Variants in CALHM4 observed in about 807,000 individuals in gnomAD.
CALHM4 encodes the protein calcium homeostasis modulator protein 4.
A neutral mutation model predicts 13.3 loss-of-function variants in CALHM4; 16 were observed. The observed-to-expected ratio is 1.20, with a 90% CI of 0.81 to 1.82. The LOEUF is 1.82. Ranked by LOEUF, CALHM4 falls within the 40% of genes most tolerant of loss-of-function variation. The pLI, the probability that CALHM4 is intolerant of heterozygous loss-of-function variation, is 0.00. For missense variants in CALHM4, 344 were observed against 374.9 expected, an observed-to-expected ratio of 0.92 and a Z score of 0.68; for synonymous variants, 127 against 137.1, an observed-to-expected ratio of 0.93 and a Z score of 0.52.
At chr6:116,553,006 G>A (rs1045035825), upstream of CALHM4, among the ~76,000 whole-genome samples, 64 of 152,246 alleles carry the variant, frequency 4.2e-4, no homozygotes, top group Admixed American at 1.3e-4. Context: ...CCCGGGAGGC[G>A]GAGCTTGCAG....
intron 1 of CALHM4, among the ~76,000 whole-genome samples, chr6:116,539,011 G>A (rs1773271084): frequency 6.6e-6 from 1 of 151,998 alleles, no homozygotes; most frequent in Non-Finnish European, 1.5e-5. Context: ...GATGAATTTT[G>A]GCAAAGATCA....
chr6:116,554,164 T>C lies in CALHM4; in HGVS notation c.371T>C (p.Leu124Pro). Residue 124 changes from leucine (L) to proline (P), a missense_variant, in exon 1 of 2, where the codon CTG becomes CCG. Physicochemically the swap from Leu to Pro is moderately conservative, Grantham distance 98. Transcript: ENST00000368596. ...TTAACTTGGCTGGCGGTGACCCTGC[T>C]GACAGGCACGTATTATGAATGTGCA... ...APLTWLAVTL[L>P]TGTYYECAAS... 6.4e-7 allele frequency: 1 copy of C among 1,550,598 alleles called. No individual in the cohort carries two copies. Among genetic ancestry groups the C allele is most frequent in the Non-Finnish European group, 8.7e-7 (1 of 1,146,986 alleles).
intron 2 of CALHM4, among the ~76,000 whole-genome samples, chr6:116,546,892 T>G (rs1773813137): frequency 6.6e-6 from 1 of 152,176 alleles, no homozygotes; most frequent in Non-Finnish European, 1.5e-5. Context: ...GGAGAGTTTT[T>G]CAGTAGCAAA....
Position 116,560,860 on chromosome 6 carries a change from G to A in CALHM4, c.*2649G>A, listed in dbSNP as rs1292548766. Among the ~76,000 whole-genome samples, 2 of 152,122 alleles carry A rather than the reference G, an allele frequency of 1.3e-5. No homozygotes were observed. The highest frequency in any genetic ancestry group is 2.9e-5 in the Non-Finnish European group (2 of 68,024). On this transcript the variant is annotated 3_prime_UTR_variant, in exon 2 of 2. Coordinates refer to ENST00000368596, the MANE Select transcript of CALHM4 (RefSeq NM_001366078.2). ...GCTACCACATCAAACCCTGGAGCTT[G>A]ACATATATAAACCTGCTCCTTTCTT...
At chr6:116,550,960 T>C (rs914481641), upstream of CALHM4, among the ~76,000 whole-genome samples, 1 of 152,196 alleles carries the variant, frequency 6.6e-6, no homozygotes, top group South Asian at 2.1e-4. Context: ...AGCCAATGTT[T>C]ACCCTCCCCT....
intron 1 of CALHM4, among the ~76,000 whole-genome samples, chr6:116,542,258 T>C (rs1369784324): frequency 6.6e-6 from 1 of 152,126 alleles, no homozygotes; most frequent in Non-Finnish European, 1.5e-5. Flanking sequence ...TGGGCAGTTC[T>C]CTTCTTTGCG....
chr6:116,557,036 C>T lies in CALHM4; in HGVS notation c.559-789C>T, dbSNP rs982514690. ...CAGCGCAACTTCTGCCTTCTGGGTTCAAGAAGTTCTCGTGCCTCAGCCTCC... is the reference window on the plus strand; with the variant it reads ...CAGCGCAACTTCTGCCTTCTGGGTTTAAGAAGTTCTCGTGCCTCAGCCTCC... On this transcript the variant is annotated intron_variant, in intron 1 of 1. Coordinates refer to ENST00000368596, the MANE Select transcript of CALHM4 (RefSeq NM_001366078.2). Among the ~76,000 whole-genome samples, 3 of 142,516 alleles carry T rather than the reference C, an allele frequency of 2.1e-5. No homozygotes were observed. In the South Asian group the frequency reaches 6.7e-4, roughly 32 times the overall value. 93.5% of individuals were successfully genotyped at this position (142,516 alleles called of 152,430 possible).
intron 1 of CALHM4, among the ~76,000 whole-genome samples, chr6:116,555,445 T>A (rs1215165225): frequency 6.6e-6 from 1 of 152,186 alleles, no homozygotes; most frequent in Non-Finnish European, 1.5e-5. Flanking sequence ...GAAAAGACAG[T>A]TTTACAGTTC....
In CALHM4 at chr6:116,554,142, A is replaced by G; in HGVS notation, c.349A>G (p.Thr117Ala). 6.4e-7 allele frequency: 1 copy of G among 1,550,550 alleles called. No individual in the cohort carries two copies. The highest frequency in any genetic ancestry group is 8.7e-7 in the Non-Finnish European group (1 of 1,146,978). ...TGGGAGGGCAGTTATTGCTCCTTTAACTTGGCTGGCGGTGACCCTGCTGAC... is the reference window on the plus strand; with the variant it reads ...TGGGAGGGCAGTTATTGCTCCTTTAGCTTGGCTGGCGGTGACCCTGCTGAC... ...ITGRAVIAPLTWLAVTLLTGT... is the reference protein window; with the variant it reads ...ITGRAVIAPLAWLAVTLLTGT... Residue 117 changes from threonine (T) to alanine (A), a missense_variant, in exon 1 of 2, where the codon ACT becomes GCT. Transcript: ENST00000368596.
intron 1 of CALHM4, among the ~76,000 whole-genome samples, 191 bp from the exon 2 acceptor site, chr6:116,557,634 C>T (rs1176020021): frequency 6.6e-6 from 1 of 152,166 alleles, no homozygotes; most frequent in Non-Finnish European, 1.5e-5. Context: ...AATGGCTGGG[C>T]CTATGCCCTC....
At chr6:116,557,393 G>T (rs1774372179) in intron 1 of CALHM4, among the ~76,000 whole-genome samples, 1 of 152,124 alleles carries the variant, frequency 6.6e-6, no homozygotes, top group Admixed American at 6.5e-5. Flanking sequence ...CTATTATTAT[G>T]TATCATATCA....
chr6:116,541,391 T>A (rs1433539151), intron 1 of CALHM4, among the ~76,000 whole-genome samples: 1 of 152,124 alleles, frequency 6.6e-6, no homozygotes, highest in Non-Finnish European at 1.5e-5. Flanking sequence ...CACATCTACA[T>A]AGACAAGTGA....
Position 116,557,870 on chromosome 6 carries a change from G to C in CALHM4, c.604G>C (p.Val202Leu). Residue 202 changes from valine to leucine, a missense_variant, in exon 2 of 2, where the codon GTC becomes CTC. Physicochemically the swap from Val to Leu is conservative, Grantham distance 32. Transcript: ENST00000368596. The part of the protein sequence containing the change: ...LITLATIAAL[V>L]SCCVAKCCSP... ...CACCTTGGCAACCATTGCTGCCTTAGTCTCCTGCTGTGTGGCAAAGTGCTG... is the reference window on the plus strand; with the variant it reads ...CACCTTGGCAACCATTGCTGCCTTACTCTCCTGCTGTGTGGCAAAGTGCTG... The C allele has an allele frequency of 1.2e-6, 2 of 1,614,054 alleles. No homozygotes were observed. The highest frequency in any genetic ancestry group is 2.2e-5 in the South Asian group (2 of 91,080).
upstream of CALHM4, among the ~76,000 whole-genome samples, chr6:116,550,446 C>T (rs1450519018): frequency 6.6e-6 from 1 of 152,110 alleles, no homozygotes; most frequent in Non-Finnish European, 1.5e-5. Context: ...CTCTCCACAC[C>T]TTAGTCCTCT....
chr6:116,541,202 T>G (rs1773431306), intron 1 of CALHM4, among the ~76,000 whole-genome samples: 1 of 152,042 alleles, frequency 6.6e-6, no homozygotes, highest in African/African-American at 2.4e-5. Flanking sequence ...GAGCACACAC[T>G]TTCAACAAGA....
At chr6:116,551,060 GTT>G (rs1322268094), upstream of CALHM4, among the ~76,000 whole-genome samples, 1 of 152,176 alleles carries the variant, frequency 6.6e-6, no homozygotes, top group Non-Finnish European at 1.5e-5. Flanking sequence ...AACCCTAAGT[GTT>G]TTCCCTGCCC....
intron 1 of CALHM4, among the ~76,000 whole-genome samples, chr6:116,536,667 G>A (rs957038519): frequency 2.6e-5 from 4 of 152,060 alleles, no homozygotes; most frequent in East Asian, 1.9e-4. Flanking sequence ...AGTTTTATGG[G>A]TGCCATGGTC....
intron 1 of CALHM4, among the ~76,000 whole-genome samples, chr6:116,540,636 C>T (rs1355726379): frequency 6.6e-6 from 1 of 152,048 alleles, no homozygotes; most frequent in African/African-American, 2.4e-5. Context: ...CCACAGACCA[C>T]AAAGCAGAGA....
At chr6:116,547,711 A>G (rs554822021) in intron 2 of CALHM4, among the ~76,000 whole-genome samples, 2 of 152,260 alleles carry the variant, frequency 1.3e-5, no homozygotes, top group African/African-American at 2.4e-5. Context: ...TCAAGCGGGT[A>G]CATGATCTAT....
Sources: allele counts gnomAD v4.1 joint callset (sites outside exome capture counted in the v4.1 genomes callset), GRCh38; gene constraint gnomAD v4.1.1; transcripts MANE v1.5; gene names NCBI Gene and HGNC (gene_info 2026-07-23, HGNC 2026-07-21).